The following ROBO4 variants were observed in gnomAD, a reference collection of about 807,000 sequenced individuals.
The protein encoded by ROBO4 is roundabout guidance receptor 4, also known as roundabout homolog 4.
ROBO4 carries 80 observed loss-of-function variants against 103.3 expected under a neutral mutation model. The ratio of observed to expected loss-of-function variants is 0.77; its 90% CI spans 0.65 to 0.93. ROBO4 has a LOEUF of 0.93. ROBO4 is among the 40% of genes least tolerant of loss of function. The pLI is 0.00. For missense variants in ROBO4, 1,333 were observed against 1,305.3 expected (o/e 1.02, Z -0.33); for synonymous variants, 504 against 529.7 (o/e 0.95, Z 0.67).
In ROBO4 at chr11:124,891,170, AGAG is replaced by A. The variant is rs1037610282; in HGVS notation, c.1948+126_1948+128del. On this transcript the variant is annotated intron_variant, in intron 12 of 17. Coordinates refer to ENST00000306534, the MANE Select transcript of ROBO4 (RefSeq NM_019055.6). ...AGAAAGAGGTCTTGTGTCCACCTGG[AGAG>A]GAGAATGGAAGGAGGGTGTGGAGGT... is the stretch of plus-strand genomic sequence containing the variant. 126 of 1,150,830 alleles carry A rather than the reference AGAG, an allele frequency of 1.1e-4. 1 individual carries two copies. Among genetic ancestry groups the A allele is most frequent in the Non-Finnish European group, 1.3e-4 (109 of 843,168 alleles). The allele number at this position is 1,150,830 out of a possible 1,614,324, so 71.3% of individuals were successfully genotyped here.
chr11:124,896,288 C>T lies in ROBO4; in HGVS notation c.589G>A (p.Ala197Thr), dbSNP rs372437474. Residue 197 changes from alanine to threonine, a missense_variant, in exon 4 of 18, where the codon GCA becomes ACA. By Grantham distance (58) the Ala-to-Thr change is moderately conservative (BLOSUM62 0). Coordinates refer to ENST00000306534, the MANE Select transcript of ROBO4 (RefSeq NM_019055.6). ...TAGGTCCCTTCGTCACTCTTCTCTG[C>T]TCTTGCCATCAGCAGGGACCCCCCG... ...VSGGSLLMAR[A>T]EKSDEGTYMC... 3.7e-6 allele frequency: 6 copies of T among 1,614,046 alleles called. No individual in the cohort carries two copies. The African/African-American group carries it at 4.0e-5, about 11-fold the overall frequency.
intron 12 of ROBO4, among the ~76,000 whole-genome samples, chr11:124,888,663 GGC>G (rs1946754500): frequency 1.3e-5 from 2 of 152,208 alleles, no homozygotes; most frequent in South Asian, 4.1e-4. Flanking sequence ...GCTGTCATCT[GGC>G]CCACATGGGC....
In ROBO4 at chr11:124,897,758, C is replaced by A. The variant is rs952008798; in HGVS notation, c.38G>T (p.Gly13Val). 5.0e-6 allele frequency: 8 copies of A among 1,613,938 alleles called. No individual in the cohort carries two copies. In the Admixed American group the frequency reaches 6.7e-5, roughly 13 times the overall value. ...SGGDSLLGGR[G>V]SLPLLLLLIM... ...GAGCAGGAGCAGCAGAGGCAGGGAA[C>A]CCCTGCCCCCCAGGAGGCTGTCTCC... is the stretch of plus-strand genomic sequence containing the variant. Residue 13 changes from glycine to valine, a missense_variant, in exon 1 of 18, where the codon GGT becomes GTT. Transcript: ENST00000306534.
At chr11:124,897,444 C>A (rs1946914575) in intron 1 of ROBO4, 183 bp from the exon 2 acceptor site, 4 of 583,654 alleles carry the variant, frequency 6.9e-6, no homozygotes, top group Non-Finnish European at 1.2e-5. Flanking sequence ...GCACAGCATC[C>A]AGGCCAGGGC....
At chr11:124,889,218 C>A (rs1336588472) in intron 12 of ROBO4, among the ~76,000 whole-genome samples, 1 of 152,180 alleles carries the variant, frequency 6.6e-6, no homozygotes, top group Non-Finnish European at 1.5e-5. Flanking sequence ...TCATATGACC[C>A]AGGTAATCTG....
intron 2 of ROBO4, 74 bp downstream of exon 2, chr11:124,896,858 G>A (rs753575365): frequency 1.4e-4 from 214 of 1,554,998 alleles, no homozygotes; most frequent in Non-Finnish European, 1.8e-4. Context: ...CCTCTCAGAT[G>A]TTCCCTTGAA....
At position 124,895,367 on chromosome 11, in the gene ROBO4, C is replaced by T. The variant is rs1038549130; in HGVS notation, c.1036+90G>A. On this transcript the variant is annotated intron_variant, in intron 6 of 17. Transcript: ENST00000306534. ...CCCAGGGTAGGACCCATAATCTCCCCTCAAGACTGAAGCAGAACAGTCCAG... is the reference window on the plus strand; with the variant it reads ...CCCAGGGTAGGACCCATAATCTCCCTTCAAGACTGAAGCAGAACAGTCCAG... 8 of 1,338,354 alleles carry T rather than the reference C, an allele frequency of 6.0e-6. No individual in the cohort carries two copies. In the African/African-American group the frequency reaches 1.0e-4, roughly 17 times the overall value. 82.9% of individuals were successfully genotyped at this position (1,338,354 alleles called of 1,614,324 possible).
In ROBO4 at chr11:124,896,542, G is replaced by A. The variant is rs1946894006; in HGVS notation, c.529C>T (p.Pro177Ser). 1 of 1,613,998 alleles carries A rather than the reference G, an allele frequency of 6.2e-7. No individual in the cohort carries two copies. The highest frequency in any genetic ancestry group is 8.5e-7 in the Non-Finnish European group (1 of 1,180,010). Reference protein sequence around the residue: ...PTVSWWKDGKPLALQPGRHTV... With the variant: ...PTVSWWKDGKSLALQPGRHTV... ...TGCCTTCCGGGCTGGAGGGCCAGGG[G>A]TTTCCCATCTTTCCACCATGAGACT... is the stretch of plus-strand genomic sequence containing the variant. Residue 177 changes from proline (P) to serine (S), a missense_variant, in exon 3 of 18, where the codon CCC becomes TCC. By Grantham distance (74) the Pro-to-Ser change is moderately conservative. Coordinates refer to ENST00000306534, the MANE Select transcript of ROBO4 (RefSeq NM_019055.6).
rs531210283 is a variant in ROBO4, at chr11:124,888,052, C to G, written c.1949-212G>C. ...ACTAGGCTTGGGGTCAAAAGACCTG[C>G]CCAGCTCAGCTGTGTGACTTCAGGG... is the stretch of plus-strand genomic sequence containing the variant. On this transcript the variant is annotated intron_variant, in intron 12 of 17. Transcript: ENST00000306534. 1.2e-3 allele frequency among the ~76,000 whole-genome samples: 188 copies of G among 152,354 alleles called. 1 individual carries two copies. The highest frequency in any genetic ancestry group is 4.2e-3 in the African/African-American group (176 of 41,582).
intron 10 of ROBO4, 88 bp downstream of exon 10, chr11:124,893,600 G>T: frequency 8.3e-7 from 1 of 1,211,240 alleles, no homozygotes; most frequent in Non-Finnish European, 1.2e-6. Context: ...CTCCCTGGCA[G>T]GTAGACTAGT....
Position 124,887,042 on chromosome 11 carries a change from G to A in ROBO4, c.2370C>T (p.Asp790=), listed in dbSNP as rs781088042. ...SSLSSLGEDQ[D]SVLTPEEVAL... ...CTACCTCCTCAGGGGTCAGCACGCT[G>A]TCTTGATCCTCCCCCAGGGATGACA... The change falls in exon 15 of 18, where the codon GAC becomes GAT. Residue 790 remains aspartate, a synonymous_variant. Transcript: ENST00000306534. 2.5e-6 allele frequency: 4 copies of A among 1,613,864 alleles called. No individual in the cohort carries two copies. In the South Asian group the frequency reaches 4.4e-5, roughly 18 times the overall value.
At position 124,887,438 on chromosome 11, in the gene ROBO4, T is replaced by G. The variant is rs1354264196; in HGVS notation, c.2118A>C (p.Ser706=). The change falls in exon 14 of 18, where the codon TCA becomes TCC. Residue 706 remains serine (S), a synonymous_variant. Coordinates refer to ENST00000306534, the MANE Select transcript of ROBO4 (RefSeq NM_019055.6). ...RALGPKLLSS[S]NELVTRHLPP... is the part of the protein sequence containing the mutation. ...GGAGATGACGAGTAACCAGCTCATT[T>G]GAGGAGCTGAGGAGTTTCGGTCCCA... 1.2e-6 allele frequency: 2 copies of G among 1,613,874 alleles called. No individual in the cohort carries two copies. Among genetic ancestry groups the G allele is most frequent in the Admixed American group, 3.3e-5 (2 of 59,986 alleles).
intron 10 of ROBO4, 68 bp from the exon 11 acceptor site, chr11:124,891,870 A>G: frequency 4.5e-6 from 7 of 1,569,640 alleles, no homozygotes; most frequent in South Asian, 3.4e-5. Flanking sequence ...TTTGGCCAAG[A>G]CTTCCTGTTC....
intron 12 of ROBO4, among the ~76,000 whole-genome samples, chr11:124,891,056 G>A (rs1946788956): frequency 6.6e-6 from 1 of 152,226 alleles, no homozygotes; most frequent in Non-Finnish European, 1.5e-5. Flanking sequence ...CAGAATTAGG[G>A]CTCACTGCTG....
chr11:124,896,363 G>C (rs113353712), intron 3 of ROBO4, 45 bp from the exon 4 acceptor site: 2 of 1,609,740 alleles, frequency 1.2e-6, no homozygotes, highest in African/African-American at 1.3e-5. Context: ...GTGGGGAGGG[G>C]CTCTGAGCTG....
chr11:124,884,094 A>T lies in ROBO4; in HGVS notation c.*797T>A, dbSNP rs1429126102. 6.6e-6 allele frequency: 1 copy of T among 152,136 alleles called. No homozygotes were observed. The highest frequency in any genetic ancestry group is 1.5e-5 in the Non-Finnish European group (1 of 68,026). 9.4% of individuals were successfully genotyped at this position (152,136 alleles called of 1,614,324 possible). ...ACCTCATTCTCCCTTTAATTGCAGA[A>T]CAGAAATGTGTGACACTCCCTGAGT... On this transcript the variant is annotated 3_prime_UTR_variant, in exon 18 of 18. Coordinates refer to ENST00000306534, the MANE Select transcript of ROBO4 (RefSeq NM_019055.6).
At chr11:124,887,927 C>T in intron 12 of ROBO4, 87 bp from the exon 13 acceptor site, 1 of 1,079,520 alleles carries the variant, frequency 9.3e-7, no homozygotes. Context: ...TTATTCAATT[C>T]AGCCTGCACG....
At position 124,884,903 on chromosome 11, in the gene ROBO4, T is replaced by C. The variant is rs754522249; in HGVS notation, c.3012A>G (p.Val1004=). Residue 1004 remains valine, a synonymous_variant, in exon 18 of 18, where the codon GTA becomes GTG. Transcript: ENST00000306534. ...CRMPKAGASP[V]DYS is the part of the protein sequence containing the mutation. Reference sequence around the variant, plus strand: ...TCAGGGACACGGTTCAGGAGTAATCTACAGGAGAAGCTGAAGGACAGTGGA... The same window carrying C: ...TCAGGGACACGGTTCAGGAGTAATCCACAGGAGAAGCTGAAGGACAGTGGA... 4 of 1,614,066 alleles carry C rather than the reference T, an allele frequency of 2.5e-6. No homozygotes were observed. The highest frequency in any genetic ancestry group is 3.4e-6 in the Non-Finnish European group (4 of 1,180,028).
At position 124,891,282 on chromosome 11, in the gene ROBO4, A is replaced by G; in HGVS notation, c.1948+17T>C. The G allele has an allele frequency of 1.3e-6, 2 of 1,513,712 alleles. No homozygotes were observed. Among genetic ancestry groups the G allele is most frequent in the South Asian group, 1.4e-5 (1 of 74,008 alleles). The allele number at this position is 1,513,712 out of a possible 1,614,324, so 93.8% of individuals were successfully genotyped here. A position where few individuals can be genotyped will look rare whatever the true frequency, so the allele number is the denominator to read the frequency against. On this transcript the variant is annotated intron_variant, in intron 12 of 17. Coordinates refer to ENST00000306534, the MANE Select transcript of ROBO4 (RefSeq NM_019055.6). ...CCTACCACCAGCTCAGTCTATGTCTATTCTCCCCCTCCTTACCCTGCTTCT... is the reference window on the plus strand; with the variant it reads ...CCTACCACCAGCTCAGTCTATGTCTGTTCTCCCCCTCCTTACCCTGCTTCT...
Sources: gnomAD v4.1 joint callset for allele counts (sites outside exome capture counted in the v4.1 genomes callset) on GRCh38, gnomAD v4.1.1 for gene constraint, MANE v1.5 for transcripts, NCBI Gene and HGNC (gene_info 2026-07-23, HGNC 2026-07-21) for gene names.